PARM1: variants seen among roughly 807,000 people sequenced by gnomAD.
PARM1 encodes the protein prostate androgen-regulated mucin-like protein 1.
Under a neutral mutation model 24.6 loss-of-function variants are expected in PARM1, and 14 were observed. That is an observed-to-expected ratio of 0.57 (90% CI 0.38 to 0.89). PARM1 has a LOEUF of 0.89. PARM1 is among the 40% of genes least tolerant of loss of function. PARM1 has a pLI of 0.00. For synonymous variants in PARM1, 179 were observed against 156.6 expected, an observed-to-expected ratio of 1.14 and a Z score of -1.07; for missense variants, 362 against 380.4, an observed-to-expected ratio of 0.95 and a Z score of 0.40.
intron 2 of PARM1, among the ~76,000 whole-genome samples, chr4:75,029,538 C>T (rs1398516140): frequency 6.6e-6 from 1 of 152,162 alleles, no homozygotes; most frequent in African/African-American, 2.4e-5. Flanking sequence ...GTAAGACATG[C>T]CTTTCACCTT....
intron 1 of PARM1, among the ~76,000 whole-genome samples, chr4:74,946,261 A>T (rs1264012356): frequency 1.3e-5 from 2 of 152,176 alleles, no homozygotes; most frequent in East Asian, 3.8e-4. Flanking sequence ...CTCTGCCCCC[A>T]TTCCCTTGAA....
At chr4:74,970,435 C>CCAT (rs1328126164) in intron 1 of PARM1, 1 of 152,180 alleles carries the variant, frequency 6.6e-6, no homozygotes, top group Admixed American at 6.5e-5. Flanking sequence ...TGGCAAACTT[C>CCAT]CATCATTTAA....
At chr4:74,974,106 T>C (rs990818542) in intron 1 of PARM1, among the ~76,000 whole-genome samples, 3 of 152,206 alleles carry the variant, frequency 2.0e-5, no homozygotes, top group African/African-American at 7.2e-5. Flanking sequence ...TCCCACATTA[T>C]GCCATGAGGC....
At chr4:74,934,075 GGCTTCGTAGGA>G (rs896999564) in intron 1 of PARM1, among the ~76,000 whole-genome samples, 115 of 152,220 alleles carry the variant, frequency 7.6e-4, no homozygotes, top group African/African-American at 2.7e-3. Context: ...ACCTCTGAAA[GGCTTCGTAGGA>G]GCCACTCTCG....
chr4:75,014,571 G>A lies in PARM1; in HGVS notation c.769+1421G>A, dbSNP rs1388871071. Among the ~76,000 whole-genome samples, 5 of 152,230 alleles carry A rather than the reference G, an allele frequency of 3.3e-5. No individual in the cohort carries two copies. In the South Asian group the frequency reaches 8.3e-4, roughly 25 times the overall value. ...GGCTGAGGGACACAACAATCTCAAG[G>A]TTAACCTCCCTGGAGTGAAGGGAAT... On this transcript the variant is annotated intron_variant, in intron 2 of 3. Coordinates refer to ENST00000307428, the MANE Select transcript of PARM1 (RefSeq NM_015393.4).
At chr4:74,989,173 T>C (rs1031785948) in intron 1 of PARM1, among the ~76,000 whole-genome samples, 17 of 152,008 alleles carry the variant, frequency 1.1e-4, no homozygotes, top group African/African-American at 3.4e-4. Flanking sequence ...ACCAGCTGGG[T>C]CTCCTCTAAT....
intron 1 of PARM1, among the ~76,000 whole-genome samples, chr4:74,962,167 G>GGA (rs1294253935): frequency 6.6e-6 from 1 of 152,126 alleles, no homozygotes; most frequent in Non-Finnish European, 1.5e-5. Context: ...AAAAGAGGTG[G>GGA]GAGTGGAGCT....
intron 1 of PARM1, among the ~76,000 whole-genome samples, chr4:74,985,065 GCAAGAC>G (rs1208319972): frequency 6.6e-5 from 10 of 152,296 alleles, no homozygotes; most frequent in Non-Finnish European, 1.5e-4. Context: ...ATAGATCTGA[GCAAGAC>G]CATTTTTATT....
At chr4:74,977,680 TTGAAA>T (rs1722166184) in intron 1 of PARM1, among the ~76,000 whole-genome samples, 1 of 151,860 alleles carries the variant, frequency 6.6e-6, no homozygotes, top group Non-Finnish European at 1.5e-5. Context: ...TTCTTCAAAG[TTGAAA>T]TGAAGGAAAA....
intron 1 of PARM1, among the ~76,000 whole-genome samples, chr4:75,003,783 T>C (rs1722723788): frequency 6.6e-6 from 1 of 152,206 alleles, no homozygotes; most frequent in African/African-American, 2.4e-5. Context: ...GGAAACTGTG[T>C]AGGTGCGAAA....
At chr4:75,027,809 A>C (rs1453235153) in intron 2 of PARM1, among the ~76,000 whole-genome samples, 1 of 152,240 alleles carries the variant, frequency 6.6e-6, no homozygotes, top group African/African-American at 2.4e-5. Context: ...AAGAGGACCC[A>C]AGCCATCACA....
intron 1 of PARM1, among the ~76,000 whole-genome samples, chr4:74,975,712 G>A (rs1378872223): frequency 1.3e-5 from 2 of 152,184 alleles, no homozygotes; most frequent in Admixed American, 6.5e-5. Flanking sequence ...ACAATGGCTT[G>A]AGTTTAATTT....
At chr4:74,976,388 G>T (rs1051076691) in intron 1 of PARM1, among the ~76,000 whole-genome samples, 1 of 152,148 alleles carries the variant, frequency 6.6e-6, no homozygotes, top group Non-Finnish European at 1.5e-5. Context: ...CTCCTCACAG[G>T]GTGGGGCCTC....
intron 1 of PARM1, among the ~76,000 whole-genome samples, chr4:74,960,059 G>A (rs1466583869): frequency 1.3e-5 from 2 of 152,228 alleles, no homozygotes; most frequent in African/African-American, 4.8e-5. Context: ...GCAGACAGTT[G>A]TGCACGTTTC....
intron 1 of PARM1, among the ~76,000 whole-genome samples, chr4:74,987,900 T>G (rs542325915): frequency 6.6e-6 from 1 of 152,364 alleles, no homozygotes; most frequent in Non-Finnish European, 1.5e-5. Flanking sequence ...TTCTGATTCT[T>G]GATTGTGTTA....
chr4:75,015,264 T>A (rs141043934), intron 2 of PARM1, among the ~76,000 whole-genome samples: 2 of 152,356 alleles, frequency 1.3e-5, no homozygotes, highest in African/African-American at 4.8e-5. Flanking sequence ...GGCTTGATTT[T>A]AGGCTCTATG....
intron 1 of PARM1, among the ~76,000 whole-genome samples, chr4:74,951,440 A>AT (rs1721519618): frequency 6.6e-6 from 1 of 151,884 alleles, no homozygotes; most frequent in African/African-American, 2.4e-5. Flanking sequence ...CCCACTTTCT[A>AT]TTTTTCTTTT....
intron 2 of PARM1, among the ~76,000 whole-genome samples, chr4:75,017,394 A>T (rs1259017593): frequency 4.6e-5 from 7 of 152,100 alleles, no homozygotes; most frequent in Non-Finnish European, 7.4e-5. Context: ...TCTTGAACAC[A>T]CTGGAGATAC....
At chr4:74,941,363 T>C (rs1025856595) in intron 1 of PARM1, among the ~76,000 whole-genome samples, 2 of 152,066 alleles carry the variant, frequency 1.3e-5, no homozygotes, top group African/African-American at 4.8e-5. Flanking sequence ...AAATGCACAG[T>C]AGGCAGGGAC....
Sources: gnomAD v4.1 joint callset for allele counts (sites outside exome capture counted in the v4.1 genomes callset) on GRCh38, gnomAD v4.1.1 for gene constraint, MANE v1.5 for transcripts, NCBI Gene and HGNC (gene_info 2026-07-23, HGNC 2026-07-21) for gene names.